UBE2D2: variants seen among roughly 807,000 people sequenced by gnomAD.
The protein encoded by UBE2D2 is ubiquitin conjugating enzyme E2 D2.
UBE2D2 carries 2 observed loss-of-function variants against 24.2 expected under a neutral mutation model. The ratio of observed to expected loss-of-function variants is 0.08; its 90% CI spans 0.03 to 0.26. UBE2D2 has a LOEUF of 0.26. UBE2D2 is among the 10% of genes least tolerant of loss of function. UBE2D2 has a pLI of 1.00. For synonymous variants in UBE2D2, 58 were observed against 56.5 expected, an observed-to-expected ratio of 1.03 and a Z score of -0.12; for missense variants, 44 against 177.6, an observed-to-expected ratio of 0.25 and a Z score of 4.28.
intron 1 of UBE2D2, among the ~76,000 whole-genome samples, chr5:139,547,761 CT>C (rs1426532722): frequency 6.6e-6 from 1 of 151,942 alleles, no homozygotes; most frequent in Non-Finnish European, 1.5e-5. Context: ...ATGGTGTGAT[CT>C]TGGCTCACTG....
chr5:139,556,896 G>A (rs535326413), upstream of UBE2D2, among the ~76,000 whole-genome samples: 4 of 151,006 alleles, frequency 2.6e-5, no homozygotes, highest in South Asian at 4.2e-4. Flanking sequence ...GTGCAGTGGC[G>A]CAATCTCGTC....
At chr5:139,582,969 T>G (rs561252892) in intron 1 of UBE2D2, among the ~76,000 whole-genome samples, 1 of 148,932 alleles carries the variant, frequency 6.7e-6, no homozygotes, top group Non-Finnish European at 1.5e-5. Context: ...TGCGCCCGGC[T>G]TTTTTTTCTT....
At chr5:139,550,631 A>T (rs1161685235) in intron 1 of UBE2D2, among the ~76,000 whole-genome samples, 1 of 152,030 alleles carries the variant, frequency 6.6e-6, no homozygotes, top group African/African-American at 2.4e-5. Flanking sequence ...CTTTGGGTAC[A>T]CACTGAGTTT....
intron 1 of UBE2D2, among the ~76,000 whole-genome samples, chr5:139,549,992 T>G (rs1752887282): frequency 6.6e-6 from 1 of 152,244 alleles, no homozygotes; most frequent in African/African-American, 2.4e-5. Context: ...ATTAGCACTC[T>G]GTGTCTAGCT....
chr5:139,528,949 G>A (rs964254016), intron 1 of UBE2D2, among the ~76,000 whole-genome samples: 7 of 152,124 alleles, frequency 4.6e-5, no homozygotes, highest in African/African-American at 9.7e-5. Flanking sequence ...AGTCACACCC[G>A]GAAGCTGACT....
intron 6 of UBE2D2, 97 bp downstream of exon 6, chr5:139,623,558 T>A: frequency 2.2e-6 from 2 of 922,662 alleles, no homozygotes; most frequent in Non-Finnish European, 3.4e-6. Flanking sequence ...GCCAGATATT[T>A]AAAGTGAAGT....
intron 2 of UBE2D2, among the ~76,000 whole-genome samples, chr5:139,601,457 A>G (rs868618118): frequency 5.9e-5 from 9 of 152,202 alleles, no homozygotes; most frequent in Non-Finnish European, 1.2e-4. Context: ...CACACAAAAA[A>G]ATTAGCCGGG....
intron 1 of UBE2D2, among the ~76,000 whole-genome samples, chr5:139,551,704 A>T (rs1253924977): frequency 6.6e-6 from 1 of 152,256 alleles, no homozygotes; most frequent in African/African-American, 2.4e-5. Context: ...ATTGAATGAG[A>T]CAGTTGTCTA....
chr5:139,576,489 T>A (rs1000827751), intron 1 of UBE2D2, among the ~76,000 whole-genome samples: 1 of 152,118 alleles, frequency 6.6e-6, no homozygotes, highest in Non-Finnish European at 1.5e-5. Flanking sequence ...AAAGATGATT[T>A]TTTTTTTTGA....
intron 1 of UBE2D2, among the ~76,000 whole-genome samples, chr5:139,584,533 C>CTTTTTTTTTTTTTTT (rs10642044): frequency 7.5e-5 from 10 of 133,066 alleles, no homozygotes; most frequent in South Asian, 2.4e-4. Flanking sequence ...CTTTTCTTTT[C>CTTTTTTTTTTTTTTT]TTTTTTTTTT....
chr5:139,545,947 G>A (rs923362262), intron 1 of UBE2D2, among the ~76,000 whole-genome samples: 2 of 151,416 alleles, frequency 1.3e-5, no homozygotes, highest in East Asian at 1.9e-4. Flanking sequence ...GGCTGGTCTC[G>A]AACTCCTGAC....
At chr5:139,541,599 CAAAAAAAA>C (rs892398676) in intron 1 of UBE2D2, among the ~76,000 whole-genome samples, 4 of 58,438 alleles carry the variant, frequency 6.8e-5, no homozygotes, top group Non-Finnish European at 9.6e-5. Flanking sequence ...GACTCCATTT[CAAAAAAAA>C]AAAAAAAAAA....
intron 1 of UBE2D2, among the ~76,000 whole-genome samples, chr5:139,533,631 A>G (rs1752626072): frequency 1.3e-5 from 2 of 151,882 alleles, no homozygotes; most frequent in South Asian, 2.1e-4. Flanking sequence ...AGCCTGGGCA[A>G]CAAGAGCTAA....
chr5:139,548,035 A>T (rs1411753770), intron 1 of UBE2D2, among the ~76,000 whole-genome samples: 1 of 151,576 alleles, frequency 6.6e-6, no homozygotes, highest in East Asian at 2.0e-4. Context: ...GTGGTGGCTC[A>T]CGCCTGTAAT....
At position 139,571,429 on chromosome 5, in the gene UBE2D2, A is replaced by G. The variant is rs545877483; in HGVS notation, c.24+9614A>G. ...CTCAAAAAAAAAAAAAAAAACAAAC[A>G]CAGATTTCAGCTATCCACTTTAGAG... On this transcript the variant is annotated intron_variant, in intron 1 of 6. Coordinates refer to ENST00000398733, the MANE Select transcript of UBE2D2 (RefSeq NM_003339.3). Among the ~76,000 whole-genome samples, 38 of 151,434 alleles carry G rather than the reference A, an allele frequency of 2.5e-4. No homozygotes were observed. The East Asian group carries it at 7.4e-3, about 29-fold the overall frequency.
At chr5:139,595,376 G>T (rs1753937349) in intron 1 of UBE2D2, among the ~76,000 whole-genome samples, 1 of 151,778 alleles carries the variant, frequency 6.6e-6, no homozygotes. Flanking sequence ...CACCCCAAAT[G>T]ACAGTTTTTT....
At chr5:139,618,035 G>T (rs369649638) in intron 5 of UBE2D2, among the ~76,000 whole-genome samples, 1 of 151,724 alleles carries the variant, frequency 6.6e-6, no homozygotes, top group Non-Finnish European at 1.5e-5. Flanking sequence ...GTGCAGTGGC[G>T]CAATCTCGGC....
chr5:139,579,211 G>A lies in UBE2D2; in HGVS notation c.24+17396G>A, dbSNP rs550645663. Among the ~76,000 whole-genome samples, 32 of 152,094 alleles carry A rather than the reference G, an allele frequency of 2.1e-4. No individual in the cohort carries two copies. The South Asian group carries it at 5.8e-3, about 28-fold the overall frequency. ...TGCCCAGGCTGGAGTGCAATGGTGC[G>A]ATCTTGGCTCGCTGCAACCTCTGCC... On this transcript the variant is annotated intron_variant, in intron 1 of 6. Transcript: ENST00000398733.
chr5:139,593,876 A>G (rs1581516682), intron 1 of UBE2D2, among the ~76,000 whole-genome samples: 1 of 152,182 alleles, frequency 6.6e-6, no homozygotes, highest in South Asian at 2.1e-4. Flanking sequence ...TTAGCCTCCC[A>G]AAGTGTGGAG....
Sources: allele counts gnomAD v4.1 joint callset (sites outside exome capture counted in the v4.1 genomes callset), GRCh38; gene constraint gnomAD v4.1.1; transcripts MANE v1.5; gene names NCBI Gene and HGNC (gene_info 2026-07-23, HGNC 2026-07-21).